GRHL2: variants seen among roughly 807,000 people sequenced by gnomAD.
GRHL2 encodes the protein grainyhead like transcription factor 2.
A neutral mutation model predicts 83.8 loss-of-function variants in GRHL2; 21 were observed. The ratio of observed to expected loss-of-function variants is 0.25; its 90% CI spans 0.18 to 0.36. The LOEUF is 0.36. GRHL2 is among the 10% of genes least tolerant of loss of function. The pLI, the probability that GRHL2 is intolerant of heterozygous loss-of-function variation, is 1.00. For synonymous variants in GRHL2, 280 were observed against 278.9 expected (o/e 1.00, Z -0.04); for missense variants, 623 against 781.8 (o/e 0.80, Z 2.42).
intron 4 of GRHL2, among the ~76,000 whole-genome samples, chr8:101,567,855 G>T (rs1811747217): frequency 1.3e-5 from 2 of 152,148 alleles, no homozygotes; most frequent in East Asian, 3.9e-4. Flanking sequence ...TCAGGCTGCA[G>T]AAATCTATGG....
chr8:101,515,372 A>G (rs2130024307), intron 1 of GRHL2, among the ~76,000 whole-genome samples: 1 of 152,238 alleles, frequency 6.6e-6, no homozygotes, highest in South Asian at 2.1e-4. Context: ...GTCCTGTCTC[A>G]TTGTTGACAA....
chr8:101,620,373 T>C (rs1812941219), intron 9 of GRHL2, among the ~76,000 whole-genome samples: 1 of 152,202 alleles, frequency 6.6e-6, no homozygotes, highest in African/African-American at 2.4e-5. Context: ...CAGATTAATA[T>C]TCTTTACTGG....
At chr8:101,582,504 T>G (rs1563591962) in intron 7 of GRHL2, among the ~76,000 whole-genome samples, 1 of 152,176 alleles carries the variant, frequency 6.6e-6, no homozygotes, top group Non-Finnish European at 1.5e-5. Flanking sequence ...AAAGAAACCC[T>G]GATTAAGCTG....
At chr8:101,589,077 G>A (rs1221523700) in intron 7 of GRHL2, among the ~76,000 whole-genome samples, 1 of 152,126 alleles carries the variant, frequency 6.6e-6, no homozygotes, top group Non-Finnish European at 1.5e-5. Context: ...ATAACTTCTT[G>A]TCTCCACATG....
At chr8:101,547,957 G>A (rs1811299241) in intron 2 of GRHL2, among the ~76,000 whole-genome samples, 1 of 152,172 alleles carries the variant, frequency 6.6e-6, no homozygotes, top group Admixed American at 6.5e-5. Context: ...CAATTAGCCA[G>A]ATATTTAAAA....
intron 12 of GRHL2, among the ~76,000 whole-genome samples, chr8:101,639,043 A>G (rs1813345641): frequency 2.0e-5 from 3 of 152,218 alleles, no homozygotes; most frequent in South Asian, 4.1e-4. Flanking sequence ...ACTTAGTATT[A>G]TGAGTGAGAA....
intron 1 of GRHL2, among the ~76,000 whole-genome samples, chr8:101,510,857 G>A (rs1810446614): frequency 6.6e-6 from 1 of 152,192 alleles, no homozygotes; most frequent in Non-Finnish European, 1.5e-5. Flanking sequence ...TACTTTGGGA[G>A]GCTGAGGCAG....
chr8:101,510,801 T>G (rs1030848253), intron 1 of GRHL2, among the ~76,000 whole-genome samples: 3 of 152,098 alleles, frequency 2.0e-5, no homozygotes, highest in Admixed American at 2.0e-4. Flanking sequence ...GTTTTAAAAT[T>G]TTTCACTTGT....
intron 14 of GRHL2, among the ~76,000 whole-genome samples, chr8:101,651,887 C>T (rs1813628342): frequency 6.6e-6 from 1 of 152,204 alleles, no homozygotes; most frequent in South Asian, 2.1e-4. Flanking sequence ...AGGCTATCTC[C>T]TTGCTTCCTA....
intron 1 of GRHL2, among the ~76,000 whole-genome samples, chr8:101,525,301 T>C (rs1209517737): frequency 2.0e-5 from 3 of 152,180 alleles, no homozygotes; most frequent in Non-Finnish European, 2.9e-5. Flanking sequence ...CTTCTCAAAT[T>C]TTTGTTCTCA....
At position 101,552,717 on chromosome 8, in the gene GRHL2, T is replaced by A; in HGVS notation, c.219T>A (p.Val73=). 1 of 1,614,050 alleles carries A rather than the reference T, an allele frequency of 6.2e-7. No individual in the cohort carries two copies. Among genetic ancestry groups the A allele is most frequent in the Non-Finnish European group, 8.5e-7 (1 of 1,179,954 alleles). ...ALGLLYDYYK[V]PRDKRLLSVS... ...CTGATGGTTGGTGATGTTTCCAGGTTCCTCGAGACAAGAGGCTGCTGTCTG... is the reference window on the plus strand; with the variant it reads ...CTGATGGTTGGTGATGTTTCCAGGTACCTCGAGACAAGAGGCTGCTGTCTG... Residue 73 remains valine (V), a splice_region_variant and synonymous_variant, in exon 3 of 16, where the codon GTT becomes GTA. Coordinates refer to ENST00000646743, the MANE Select transcript of GRHL2 (RefSeq NM_024915.4).
chr8:101,624,438 G>C (rs546796148), intron 9 of GRHL2, among the ~76,000 whole-genome samples: 1 of 151,624 alleles, frequency 6.6e-6, no homozygotes, highest in South Asian at 2.1e-4. Flanking sequence ...ACAGTACACA[G>C]TAGGACAGTT....
intron 7 of GRHL2, among the ~76,000 whole-genome samples, chr8:101,597,595 C>A (rs927451631): frequency 2.0e-5 from 3 of 150,954 alleles, no homozygotes; most frequent in African/African-American, 4.9e-5. Context: ...AAACAGAACA[C>A]CGCATGTTCT....
chr8:101,678,516 C>T, the GRHL2 span, among the ~76,000 whole-genome samples: 3 of 152,152 alleles, frequency 2.0e-5, no homozygotes, highest in Non-Finnish European at 4.4e-5. Flanking sequence ...GGGGCGCCCG[C>T]CATTGCCCAG....
chr8:101,626,618 C>T (rs1371004201), intron 9 of GRHL2, among the ~76,000 whole-genome samples: 1 of 151,934 alleles, frequency 6.6e-6, no homozygotes, highest in African/African-American at 2.4e-5. Context: ...CAAGTGGTGG[C>T]AAAAATGATC....
chr8:101,675,272 CCT>C, the GRHL2 span, among the ~76,000 whole-genome samples: 2 of 152,094 alleles, frequency 1.3e-5, no homozygotes, highest in African/African-American at 2.4e-5. Context: ...TCAAATTGCC[CCT>C]GTTTGCAGAT....
At chr8:101,519,558 CT>C (rs1156774756) in intron 1 of GRHL2, among the ~76,000 whole-genome samples, 1,780 of 130,254 alleles carry the variant, frequency 0.014, 13 homozygotes, top group African/African-American at 0.038. Context: ...CCATGACCAG[CT>C]TTTTTTTTTT....
intron 6 of GRHL2, among the ~76,000 whole-genome samples, chr8:101,575,868 G>T (rs1811923264): frequency 6.6e-6 from 1 of 152,188 alleles, no homozygotes; most frequent in South Asian, 2.1e-4. Flanking sequence ...ACAGAGAATG[G>T]TTTTCTTTGT....
chr8:101,530,254 T>C (rs1421328271), intron 1 of GRHL2, among the ~76,000 whole-genome samples: 1 of 152,198 alleles, frequency 6.6e-6, no homozygotes, highest in African/African-American at 2.4e-5. Flanking sequence ...CCCCTAGAAT[T>C]GCATTAACAT....
Sources: allele counts gnomAD v4.1 joint callset (sites outside exome capture counted in the v4.1 genomes callset), GRCh38; gene constraint gnomAD v4.1.1; transcripts MANE v1.5; gene names NCBI Gene and HGNC (gene_info 2026-07-23, HGNC 2026-07-21).